Variants in XKR9 observed in about 807,000 individuals in gnomAD.
XKR9 encodes XK-related protein 9.
A neutral mutation model predicts 32.0 loss-of-function variants in XKR9; 32 were observed. That is an observed-to-expected ratio of 1.00 (90% CI 0.76 to 1.34). The LOEUF (loss-of-function observed/expected upper bound fraction) is 1.34, where lower values mean the gene tolerates loss of function less well. XKR9 is among the 40% of genes most tolerant of loss of function. XKR9 has a pLI of 0.00. For missense variants in XKR9, 546 were observed against 429.7 expected, an observed-to-expected ratio of 1.27 and a Z score of -2.39; for synonymous variants, 168 against 143.4, an observed-to-expected ratio of 1.17 and a Z score of -1.22.
chr8:70,799,465 G>T, the XKR9 span, among the ~76,000 whole-genome samples: 1 of 152,054 alleles, frequency 6.6e-6, no homozygotes, highest in Non-Finnish European at 1.5e-5. Flanking sequence ...TGAGTAGCTG[G>T]GACTACTGGT....
At chr8:71,026,418 G>T in the XKR9 span, among the ~76,000 whole-genome samples, 1 of 152,088 alleles carries the variant, frequency 6.6e-6, no homozygotes, top group African/African-American at 2.4e-5. Flanking sequence ...TCAGGCATTG[G>T]GCTAGGGATA....
the XKR9 span, among the ~76,000 whole-genome samples, chr8:70,871,895 C>G: frequency 6.6e-6 from 1 of 152,166 alleles, no homozygotes; most frequent in Non-Finnish European, 1.5e-5. Flanking sequence ...AGTTCTAGTT[C>G]CATATTCTAG....
the XKR9 span, among the ~76,000 whole-genome samples, chr8:70,951,827 C>T: frequency 6.6e-6 from 1 of 152,000 alleles, no homozygotes; most frequent in Non-Finnish European, 1.5e-5. Context: ...TCAATAGCAG[C>T]CTGGCCCCGG....
At chr8:70,906,895 T>G in the XKR9 span, among the ~76,000 whole-genome samples, 4 of 152,166 alleles carry the variant, frequency 2.6e-5, no homozygotes, top group African/African-American at 9.6e-5. Flanking sequence ...ACTTTATATA[T>G]AGTAACATTC....
chr8:70,876,316 G>A, the XKR9 span, among the ~76,000 whole-genome samples: 1 of 150,552 alleles, frequency 6.6e-6, no homozygotes, highest in Admixed American at 6.7e-5. Flanking sequence ...CCGCCTCCTA[G>A]GTTCAAGCAA....
At chr8:70,827,795 T>C in the XKR9 span, among the ~76,000 whole-genome samples, 1 of 152,226 alleles carries the variant, frequency 6.6e-6, no homozygotes, top group Non-Finnish European at 1.5e-5. Context: ...ATTGTTAATA[T>C]GTATGAAAAT....
the XKR9 span, among the ~76,000 whole-genome samples, chr8:70,864,234 A>G: frequency 6.6e-6 from 1 of 152,328 alleles, no homozygotes; most frequent in South Asian, 2.1e-4. Context: ...CTTAGGATCA[A>G]ATAGCTTGGA....
the XKR9 span, among the ~76,000 whole-genome samples, chr8:70,905,040 G>A: frequency 6.6e-6 from 1 of 152,270 alleles, no homozygotes; most frequent in African/African-American, 2.4e-5. Context: ...CTTTCTCTCT[G>A]GCTGCCCTTA....
At chr8:71,036,171 A>G in the XKR9 span, among the ~76,000 whole-genome samples, 1 of 152,136 alleles carries the variant, frequency 6.6e-6, no homozygotes, top group African/African-American at 2.4e-5. Context: ...TCTGCCTTTC[A>G]TTATAGGAGT....
At chr8:70,916,936 T>C in the XKR9 span, among the ~76,000 whole-genome samples, 67 of 152,250 alleles carry the variant, frequency 4.4e-4, no homozygotes, top group African/African-American at 1.5e-3. Flanking sequence ...CTAATGTAAA[T>C]TGTATCATTA....
chr8:70,997,257 A>G, the XKR9 span, among the ~76,000 whole-genome samples: 11 of 152,026 alleles, frequency 7.2e-5, no homozygotes, highest in Non-Finnish European at 1.6e-4. Flanking sequence ...AGATTGCGCC[A>G]CTGCACTCCA....
the XKR9 span, among the ~76,000 whole-genome samples, chr8:70,813,742 G>A: frequency 6.6e-6 from 1 of 152,200 alleles, no homozygotes; most frequent in Non-Finnish European, 1.5e-5. Flanking sequence ...ACCGCAATGA[G>A]ATACCATCTC....
the XKR9 span, among the ~76,000 whole-genome samples, chr8:71,026,865 T>G: frequency 6.6e-6 from 1 of 152,308 alleles, no homozygotes; most frequent in East Asian, 1.9e-4. Flanking sequence ...TACAGGGAAA[T>G]TCTATCATCA....
At chr8:70,901,464 G>GAAGTGTCT in the XKR9 span, among the ~76,000 whole-genome samples, 2 of 152,170 alleles carry the variant, frequency 1.3e-5, no homozygotes, top group African/African-American at 4.8e-5. Context: ...CTTCTTTTGA[G>GAAGTGTCT]AAGTGTCTGT....
At chr8:70,929,287 G>T in the XKR9 span, among the ~76,000 whole-genome samples, 1 of 152,120 alleles carries the variant, frequency 6.6e-6, no homozygotes, top group Non-Finnish European at 1.5e-5. Flanking sequence ...TCTGATGGAG[G>T]AATTTATATT....
At chr8:70,705,027 G>A (rs1214664039) in intron 3 of XKR9, among the ~76,000 whole-genome samples, 1 of 152,112 alleles carries the variant, frequency 6.6e-6, no homozygotes, top group Non-Finnish European at 1.5e-5. Context: ...CCAGAACTGT[G>A]ATGGTAAAAA....
chr8:71,047,654 T>G, the XKR9 span, among the ~76,000 whole-genome samples: 2 of 152,222 alleles, frequency 1.3e-5, no homozygotes, highest in Admixed American at 6.5e-5. Flanking sequence ...ATCTTTATTT[T>G]AAAAGTTATC....
chr8:70,754,240 G>A lies in XKR9; in HGVS notation n.353-35099G>A, dbSNP rs201161612. ...AAGGATCTCTTCAAGGAGAGCTACA[G>A]ACCACTGCTCAATGAAATAAAAGAG... On this transcript the variant is annotated intron_variant and non_coding_transcript_variant, in intron 2 of 3. Transcript: ENST00000520273. Among the ~76,000 whole-genome samples, 4 of 147,798 alleles carry A rather than the reference G, an allele frequency of 2.7e-5. No homozygotes were observed. The East Asian group carries it at 6.5e-4, about 24-fold the overall frequency.
intron 2 of XKR9, among the ~76,000 whole-genome samples, chr8:70,784,617 T>G (rs1417209356): frequency 6.6e-6 from 1 of 152,058 alleles, no homozygotes; most frequent in African/African-American, 2.4e-5. Context: ...TAGGGTTTTC[T>G]ATATATAAGA....
Sources: allele counts gnomAD v4.1 joint callset (sites outside exome capture counted in the v4.1 genomes callset), GRCh38; gene constraint gnomAD v4.1.1; transcripts MANE v1.5; gene names NCBI Gene and HGNC (gene_info 2026-07-23, HGNC 2026-07-21).